Variants in DAPK3 observed in about 807,000 individuals in gnomAD.
DAPK3 encodes death associated protein kinase 3.
Under a neutral mutation model 30.6 loss-of-function variants are expected in DAPK3, and 24 were observed. That is an observed-to-expected ratio of 0.78 (90% CI 0.57 to 1.10). The LOEUF (loss-of-function observed/expected upper bound fraction) is 1.10. Ranked by LOEUF, DAPK3 falls within the 50% of genes least tolerant of loss-of-function variation. The pLI is 0.00. For synonymous variants in DAPK3, 341 were observed against 284.0 expected, an observed-to-expected ratio of 1.20 and a Z score of -2.02; for missense variants, 629 against 657.3, an observed-to-expected ratio of 0.96 and a Z score of 0.47.
Position 3,958,794 on chromosome 19 carries a change from C to T in DAPK3, c.*307G>A, listed in dbSNP as rs988673130. ...CAGGGCTGCATTCGGGCCGCCTCTGCGCCTCGGTGGGTCCCAACCCTCACG... is the reference window on the plus strand; with the variant it reads ...CAGGGCTGCATTCGGGCCGCCTCTGTGCCTCGGTGGGTCCCAACCCTCACG... On this transcript the variant is annotated 3_prime_UTR_variant, in exon 9 of 9. Transcript: ENST00000545797. The T allele has an allele frequency of 1.1e-5, 6 of 557,960 alleles. No homozygotes were observed. Among genetic ancestry groups the T allele is most frequent in the East Asian group, 3.1e-5 (1 of 32,308 alleles). 34.6% of individuals were successfully genotyped at this position (557,960 alleles called of 1,614,324 possible).
At chr19:3,968,467 A>G (rs1241413575) in intron 2 of DAPK3, among the ~76,000 whole-genome samples, 1 of 151,818 alleles carries the variant, frequency 6.6e-6, no homozygotes, top group African/African-American at 2.4e-5. Flanking sequence ...AGAATGAGAT[A>G]GTGTCAAGGA....
At chr19:3,965,076 C>T in intron 2 of DAPK3, 85 bp from the exon 3 acceptor site, 1 of 741,346 alleles carries the variant, frequency 1.3e-6, no homozygotes, top group East Asian at 2.5e-5. Flanking sequence ...CCTCCACTTG[C>T]TCCTCTTGGG....
intron 4 of DAPK3, 29 bp downstream of exon 4, chr19:3,964,215 C>T (rs1296978423): frequency 6.3e-7 from 1 of 1,580,862 alleles, no homozygotes; most frequent in African/African-American, 1.3e-5. Flanking sequence ...CCTCCCCAGG[C>T]CGGGGCTGCC....
chr19:3,969,364 G>A (rs550316343), intron 2 of DAPK3, among the ~76,000 whole-genome samples: 25 of 152,010 alleles, frequency 1.6e-4, no homozygotes, highest in Non-Finnish European at 2.9e-4. Context: ...CCAGGCAGAA[G>A]ACACATCTTT....
In DAPK3 at chr19:3,970,902, G is replaced by C. The variant is rs914696246; in HGVS notation, c.-95+19C>G. 1 of 153,064 alleles carries C rather than the reference G, an allele frequency of 6.5e-6. No homozygotes were observed. Among genetic ancestry groups the C allele is most frequent in the African/African-American group, 2.4e-5 (1 of 41,430 alleles). 9.5% of individuals were successfully genotyped at this position (153,064 alleles called of 1,614,324 possible). A position where few individuals can be genotyped will look rare whatever the true frequency, so the allele number is the denominator to read the frequency against. On this transcript the variant is annotated intron_variant, in intron 1 of 8. Coordinates refer to ENST00000545797, the MANE Select transcript of DAPK3 (RefSeq NM_001348.3). ...GCCCTTTCCCCGGCCCGGTCACCCAGATGGGTCCCCAAACCTACCAGCTCC... is the reference window on the plus strand; with the variant it reads ...GCCCTTTCCCCGGCCCGGTCACCCACATGGGTCCCCAAACCTACCAGCTCC...
In DAPK3 at chr19:3,965,009, A is replaced by T; in HGVS notation, c.63-18T>A. 6.9e-7 allele frequency: 1 copy of T among 1,453,974 alleles called. No individual in the cohort carries two copies. The highest frequency in any genetic ancestry group is 9.6e-7 in the Non-Finnish European group (1 of 1,046,180). The allele number at this position is 1,453,974 out of a possible 1,614,324, so 90.1% of individuals were successfully genotyped here. Reference sequence around the variant, plus strand: ...ACTGGCCGCTGGAGGAGGGGGAGGGAGTGAGTGGGGGTGGAGGAGGCGGAG... The same window carrying T: ...ACTGGCCGCTGGAGGAGGGGGAGGGTGTGAGTGGGGGTGGAGGAGGCGGAG... On this transcript the variant is annotated intron_variant, in intron 2 of 8. Coordinates refer to ENST00000545797, the MANE Select transcript of DAPK3 (RefSeq NM_001348.3).
chr19:3,964,609 CACAGGGCCCT>C lies in DAPK3; in HGVS notation c.423+12_423+21del, dbSNP rs767194179. On this transcript the variant is annotated intron_variant, in intron 3 of 8. Transcript: ENST00000545797. ...ACCCCCACACTGGCCAGGCCGGCCC[CACAGGGCCCT>C]ACAGGGCTCACCTTCAGGTCAAAGT... 5.0e-6 allele frequency: 8 copies of C among 1,592,742 alleles called. No homozygotes were observed. The South Asian group carries it at 7.8e-5, about 16-fold the overall frequency.
At chr19:3,964,055 G>A (rs2039547609) in intron 4 of DAPK3, 136 bp from the exon 5 acceptor site, 1 of 806,312 alleles carries the variant, frequency 1.2e-6, no homozygotes. Flanking sequence ...TGGCCCTCAG[G>A]GCCTGACGGG....
rs375585156 is a variant in DAPK3 at position 3,960,123 on chromosome 19, G to A, written c.783-19C>T. ...TCTCCGCCTGGAAGACCCCCGCTCT[G>A]GTTAGGTACACCTGCACCATCTGTC... On this transcript the variant is annotated intron_variant, in intron 7 of 8. Coordinates refer to ENST00000545797, the MANE Select transcript of DAPK3 (RefSeq NM_001348.3). 3 of 1,441,718 alleles carry A rather than the reference G, an allele frequency of 2.1e-6. No homozygotes were observed. Among genetic ancestry groups the A allele is most frequent in the African/African-American group, 2.8e-5 (2 of 71,488 alleles). The allele number at this position is 1,441,718 out of a possible 1,614,324, so 89.3% of individuals were successfully genotyped here.
chr19:3,959,558 T>C lies in DAPK3; in HGVS notation c.908A>G (p.Lys303Arg), dbSNP rs773577945. ...GGAGTGCGACTTGATGGTGTACTCC[T>C]TCAGACGCGTGGTCTTCAGGCGCCG... is the stretch of plus-strand genomic sequence containing the variant. ...ERRRLKTTRL[K>R]EYTIKSHSSL... is the part of the protein sequence containing the mutation. The change falls in exon 9 of 9, where the codon AAG becomes AGG. Residue 303 changes from lysine to arginine, a missense_variant. By Grantham distance (26) the Lys-to-Arg change is conservative (BLOSUM62 2). Transcript: ENST00000545797. 1 of 1,581,992 alleles carries C rather than the reference T, an allele frequency of 6.3e-7. No individual in the cohort carries two copies. Among genetic ancestry groups the C allele is most frequent in the African/African-American group, 1.3e-5 (1 of 74,806 alleles).
rs370168020 is a variant in DAPK3 at position 3,959,422 on chromosome 19, G to C, written c.1044C>G (p.Leu348=). The change falls in exon 9 of 9, where the codon CTC becomes CTG. Residue 348 remains leucine (L), a synonymous_variant. Transcript: ENST00000545797. ...GLRELQRSRR[L]CHEDVEALAA... Reference sequence around the variant, plus strand: ...CCAGCGCCTCCACGTCCTCGTGGCAGAGCCGCCGGCTGCGCTGCAGCTCGC... The same window carrying C: ...CCAGCGCCTCCACGTCCTCGTGGCACAGCCGCCGGCTGCGCTGCAGCTCGC... 15 of 1,555,500 alleles carry C rather than the reference G, an allele frequency of 9.6e-6. No individual in the cohort carries two copies. Among genetic ancestry groups the C allele is most frequent in the Non-Finnish European group, 1.1e-5 (13 of 1,157,540 alleles).
rs1568188540 is a variant in DAPK3, at chr19:3,958,499, C to G, written c.*602G>C. On this transcript the variant is annotated 3_prime_UTR_variant, in exon 9 of 9. Coordinates refer to ENST00000545797, the MANE Select transcript of DAPK3 (RefSeq NM_001348.3). ...TTTCTCTTGGCTGCAGAGGGCCGCT[C>G]TTGCCTAGGCGTCCACAGGCGCGAC... The G allele has an allele frequency of 2.2e-6, 1 of 456,688 alleles. No individual in the cohort carries two copies. The highest frequency in any genetic ancestry group is 2.0e-5 in the African/African-American group (1 of 50,232). 28.3% of individuals were successfully genotyped at this position (456,688 alleles called of 1,614,324 possible).
At position 3,964,285 on chromosome 19, in the gene DAPK3, C is replaced by G. The variant is rs1351960075; in HGVS notation, c.512G>C (p.Gly171Ala). Residue 171 changes from glycine (G) to alanine (A), a missense_variant, in exon 4 of 9, where the codon GGG (glycine) becomes GCG (alanine). By Grantham distance (60) the Gly-to-Ala change is moderately conservative. Around this residue, in one of 2 missense-constraint regions of DAPK3, gnomAD observed 306 missense variants for 378.5 expected, o/e 0.81. Transcript: ENST00000545797. ...GCCGAAGATGTTCTTGAACTCGTTC[C>G]CCGCCTCGATCTTGTGCGCGATGCC... Reference protein sequence around the residue: ...DFGIAHKIEAGNEFKNIFGTP... With the variant: ...DFGIAHKIEAANEFKNIFGTP... The G allele has an allele frequency of 2.5e-6, 4 of 1,613,598 alleles. No homozygotes were observed. The highest frequency in any genetic ancestry group is 2.5e-6 in the Non-Finnish European group (3 of 1,179,666).
chr19:3,962,152 C>G (rs1158880722), intron 6 of DAPK3, among the ~76,000 whole-genome samples: 3 of 152,208 alleles, frequency 2.0e-5, no homozygotes, highest in Non-Finnish European at 4.4e-5. Flanking sequence ...CCATCGCACC[C>G]GGCCCATCTA....
rs149968546 is a variant in DAPK3, at chr19:3,967,259, A to G, written c.63-2268T>C. Among the ~76,000 whole-genome samples the G allele has an allele frequency of 8.2e-3, 1,226 of 149,738 alleles. 21 individuals are homozygous for G. The highest frequency in any genetic ancestry group is 0.028 in the African/African-American group (1,123 of 40,506). The stretch of plus-strand genomic sequence containing the variant: ...ATGTCAGGAGTTCAAGACTAGCCTG[A>G]CCAACATAGTGAAAGCCACGTCTCT... On this transcript the variant is annotated intron_variant, in intron 2 of 8. Coordinates refer to ENST00000545797, the MANE Select transcript of DAPK3 (RefSeq NM_001348.3).
chr19:3,959,250 TC>T lies in DAPK3; in HGVS notation c.1215del (p.Thr406ProfsTer22). On this transcript the variant is annotated frameshift_variant, in exon 9 of 9. Transcript: ENST00000545797. LOFTEE classifies it low-confidence loss of function (END_TRUNC). ...AQEEAKGALL[G>X]TSGLKRRFSR... ...CTGAAGCGGCGCTTGAGGCCGCTGG[TC>T]CCCAGCAGCGCGCCCTTGGCCTCCT... 1 of 1,599,638 alleles carries T rather than the reference TC, an allele frequency of 6.3e-7. No homozygotes were observed.
chr19:3,964,790 G>T lies in DAPK3; in HGVS notation c.264C>A (p.Asp88Glu), dbSNP rs755805746. Reference protein sequence around the residue: ...TLHDIFENKTDVVLILELVSG... With the variant: ...TLHDIFENKTEVVLILELVSG... ...AGACCAGCTCCAGGATGAGGACCAC[G>T]TCCGTCTTGTTCTCGAAGATGTCGT... The change falls in exon 3 of 9, where the codon GAC becomes GAA. Residue 88 changes from aspartate (D) to glutamate (E), a missense_variant. By Grantham distance (45) the Asp-to-Glu change is conservative. This residue lies in a region of DAPK3 where 306 missense variants were observed against 378.5 expected (regional missense o/e 0.81). Transcript: ENST00000545797. 6.2e-7 allele frequency: 1 copy of T among 1,611,352 alleles called. No homozygotes were observed. Among genetic ancestry groups the T allele is most frequent in the South Asian group, 1.1e-5 (1 of 91,014 alleles).
At position 3,963,580 on chromosome 19, in the gene DAPK3, A is replaced by C. The variant is rs536866916; in HGVS notation, c.629+63T>G. 3.6e-4 allele frequency: 400 copies of C among 1,099,828 alleles called. 1 individual carries two copies. The highest frequency in any genetic ancestry group is 4.8e-4 in the Non-Finnish European group (365 of 767,602). 68.1% of individuals were successfully genotyped at this position (1,099,828 alleles called of 1,614,324 possible). ...GACCCCTGGCGTCCACATGAGACAC[A>C]CGGAGCCGGGGACCCATGCCAGCTG... On this transcript the variant is annotated intron_variant, in intron 6 of 8. Transcript: ENST00000545797.
chr19:3,963,135 T>C (rs2039536538), intron 6 of DAPK3, among the ~76,000 whole-genome samples: 2 of 148,646 alleles, frequency 1.3e-5, no homozygotes, highest in African/African-American at 2.5e-5. Context: ...CATGGGAGCA[T>C]GGTTGTGTGC....
Sources: allele counts gnomAD v4.1 joint callset (sites outside exome capture counted in the v4.1 genomes callset), GRCh38; gene constraint gnomAD v4.1.1; regional missense constraint gnomAD v4.1.1; transcripts MANE v1.5; gene names NCBI Gene and HGNC (gene_info 2026-07-23, HGNC 2026-07-21).